Variants in ANKRD44 observed in about 807,000 individuals in gnomAD.
ANKRD44 encodes serine/threonine-protein phosphatase 6 regulatory ankyrin repeat subunit B.
ANKRD44 carries 35 observed loss-of-function variants against 116.0 expected under a neutral mutation model. The ratio of observed to expected loss-of-function variants is 0.30; its 90% CI spans 0.23 to 0.40. ANKRD44 has a LOEUF of 0.40. Ranked by LOEUF, ANKRD44 falls within the 10% of genes least tolerant of loss-of-function variation. ANKRD44 has a pLI of 1.00. For missense variants in ANKRD44, 1,014 were observed against 1,242.6 expected (o/e 0.82, Z 2.77); for synonymous variants, 435 against 461.8 (o/e 0.94, Z 0.74).
chr2:197,117,446 G>A (rs758347418), intron 8 of ANKRD44, among the ~76,000 whole-genome samples: 3 of 152,112 alleles, frequency 2.0e-5, no homozygotes, highest in Admixed American at 6.5e-5. Context: ...TACCATGTTG[G>A]TCAGGCTGGT....
chr2:197,064,314 A>G (rs2077384076), intron 16 of ANKRD44, among the ~76,000 whole-genome samples: 1 of 152,234 alleles, frequency 6.6e-6, no homozygotes, highest in Admixed American at 6.5e-5. Context: ...CTAAACATGG[A>G]AAGGAACAAC....
At chr2:197,309,218 G>T (rs2084165770) in intron 1 of ANKRD44, among the ~76,000 whole-genome samples, 2 of 152,200 alleles carry the variant, frequency 1.3e-5, no homozygotes, top group African/African-American at 2.4e-5. Flanking sequence ...CTAACAGTTG[G>T]CAAAGTATGT....
At chr2:197,053,383 A>G (rs2077146868) in intron 16 of ANKRD44, among the ~76,000 whole-genome samples, 1 of 152,222 alleles carries the variant, frequency 6.6e-6, no homozygotes, top group Non-Finnish European at 1.5e-5. Flanking sequence ...TTAAGCACAG[A>G]TAATTTTTAT....
chr2:196,993,506 C>T lies in ANKRD44; in HGVS notation c.2923+77G>A, dbSNP rs908424763. On this transcript the variant is annotated intron_variant, in intron 27 of 27. Transcript: ENST00000282272. ...TTCTTAAGTGCCTTTTATACTAGCT[C>T]CTATCTTTCTCATTTCCTCTGGCTT... The T allele has an allele frequency of 3.2e-5, 38 of 1,192,328 alleles. No individual in the cohort carries two copies. The African/African-American group carries it at 5.5e-4, about 17-fold the overall frequency. 73.9% of individuals were successfully genotyped at this position (1,192,328 alleles called of 1,614,324 possible). A position where few individuals can be genotyped will look rare whatever the true frequency, so the allele number is the denominator to read the frequency against.
rs1184530836 is a variant in ANKRD44, at chr2:197,121,443, C to G, written c.795G>C (p.Val265=). 7.4e-6 allele frequency: 12 copies of G among 1,614,076 alleles called. No homozygotes were observed. Among genetic ancestry groups the G allele is most frequent in the Non-Finnish European group, 9.3e-6 (11 of 1,180,044 alleles). Residue 265 remains valine, a synonymous_variant, in exon 8 of 28, where the codon GTG becomes GTC. Coordinates refer to ENST00000282272, the MANE Select transcript of ANKRD44 (RefSeq NM_001195144.2). The part of the protein sequence containing the change: ...VNELIDYGAN[V]NQPNNNGFTP... ...TGAACCCATTATTGTTTGGCTGGTT[C>G]ACGTTAGCACCGTAGTCAATCAACT...
At chr2:197,215,316 A>G (rs2081420417) in intron 1 of ANKRD44, among the ~76,000 whole-genome samples, 1 of 152,288 alleles carries the variant, frequency 6.6e-6, no homozygotes, top group South Asian at 2.1e-4. Context: ...CATTAGCCCA[A>G]TTTTTCAACT....
intron 1 of ANKRD44, among the ~76,000 whole-genome samples, chr2:197,225,705 G>A (rs1353318447): frequency 1.3e-5 from 2 of 152,164 alleles, no homozygotes; most frequent in African/African-American, 2.4e-5. Context: ...TCCCAAGGAA[G>A]AATAATTTAC....
At chr2:197,231,596 C>A (rs1001462327) in intron 1 of ANKRD44, among the ~76,000 whole-genome samples, 2 of 151,872 alleles carry the variant, frequency 1.3e-5, no homozygotes, top group African/African-American at 4.8e-5. Flanking sequence ...TTAGCAATGT[C>A]TAAAGATATC....
At chr2:197,122,543 A>G in intron 7 of ANKRD44, 107 bp downstream of exon 7, 12 of 1,430,216 alleles carry the variant, frequency 8.4e-6, no homozygotes, top group Non-Finnish European at 1.1e-5. Context: ...GATGCTAGAA[A>G]ACAATTCCCC....
intron 1 of ANKRD44, among the ~76,000 whole-genome samples, chr2:197,280,359 G>A (rs62279251): frequency 5.3e-5 from 8 of 152,156 alleles, no homozygotes; most frequent in Non-Finnish European, 1.2e-4. Flanking sequence ...TGCTGAGGTC[G>A]GGAAACTGCT....
intron 10 of ANKRD44, among the ~76,000 whole-genome samples, chr2:197,090,981 A>G (rs1181482362): frequency 1.3e-5 from 2 of 152,178 alleles, no homozygotes; most frequent in African/African-American, 2.4e-5. Flanking sequence ...CAATTTGTTC[A>G]TGAGACCTCA....
Position 197,136,289 on chromosome 2 carries a change from C to T in ANKRD44, c.261+303G>A, listed in dbSNP as rs59825382. 1,866 of 351,082 alleles carry T rather than the reference C, an allele frequency of 5.3e-3. 35 individuals are homozygous for T. Among genetic ancestry groups the T allele is most frequent in the African/African-American group, 0.034 (1,588 of 47,308 alleles). The allele number at this position is 351,082 out of a possible 1,614,324, so 21.7% of individuals were successfully genotyped here. ...TCAAGCAGGCAGTTAGTTGCTTTCT[C>T]CCGCAAGTCAATGATGATATTGTAA... On this transcript the variant is annotated intron_variant, in intron 4 of 27. Coordinates refer to ENST00000282272, the MANE Select transcript of ANKRD44 (RefSeq NM_001195144.2).
At chr2:197,043,097 C>A (rs1464332285) in intron 16 of ANKRD44, among the ~76,000 whole-genome samples, 1 of 152,198 alleles carries the variant, frequency 6.6e-6, no homozygotes, top group Non-Finnish European at 1.5e-5. Flanking sequence ...AACGTCCTCA[C>A]GATTCTCACC....
At chr2:197,056,911 CT>C (rs1340110605) in intron 16 of ANKRD44, among the ~76,000 whole-genome samples, 9 of 152,154 alleles carry the variant, frequency 5.9e-5, no homozygotes, top group Non-Finnish European at 4.4e-5. Context: ...TGCAAAATCT[CT>C]TCTGCCATGT....
intron 1 of ANKRD44, among the ~76,000 whole-genome samples, chr2:197,298,833 A>G (rs1388892839): frequency 2.0e-5 from 3 of 151,992 alleles, no homozygotes; most frequent in Non-Finnish European, 4.4e-5. Context: ...GGGAGACTCA[A>G]CTGAGCCCCG....
chr2:197,295,988 G>A (rs1239020584), intron 1 of ANKRD44, among the ~76,000 whole-genome samples: 1 of 152,026 alleles, frequency 6.6e-6, no homozygotes, highest in African/African-American at 2.4e-5. Flanking sequence ...CCAGGAGGTC[G>A]AGCTATGATG....
At chr2:197,227,015 T>G (rs1331061932) in intron 1 of ANKRD44, among the ~76,000 whole-genome samples, 4 of 152,210 alleles carry the variant, frequency 2.6e-5, no homozygotes, top group African/African-American at 9.6e-5. Context: ...AGTTCACTGC[T>G]GTCAGGACAA....
At position 197,271,965 on chromosome 2, in the gene ANKRD44, T is replaced by C. The variant is rs191931609; in HGVS notation, c.27+38613A>G. 5.4e-3 allele frequency among the ~76,000 whole-genome samples: 820 copies of C among 152,264 alleles called. 10 individuals are homozygous for C. Among genetic ancestry groups the C allele is most frequent in the African/African-American group, 0.019 (794 of 41,552 alleles). ...GAATGTTTGTCCCCAACAAAATTCA[T>C]ATGTTGAAATTATATCGCCAAAGTG... On this transcript the variant is annotated intron_variant, in intron 1 of 27. Transcript: ENST00000282272.
At chr2:196,990,845 A>G in intron 27 of ANKRD44, 1 of 1,232,496 alleles carries the variant, frequency 8.1e-7, no homozygotes, top group Non-Finnish European at 1.0e-6. Flanking sequence ...TGGAAGGAGA[A>G]AAAGGCATCA....
Sources: gnomAD v4.1 joint callset for allele counts (sites outside exome capture counted in the v4.1 genomes callset) on GRCh38, gnomAD v4.1.1 for gene constraint, MANE v1.5 for transcripts, NCBI Gene and HGNC (gene_info 2026-07-23, HGNC 2026-07-21) for gene names.